The following ATP8B4 variants were observed in gnomAD, a reference collection of about 807,000 sequenced individuals.
ATP8B4 encodes the protein probable phospholipid-transporting ATPase IM.
Under a neutral mutation model 145.6 loss-of-function variants are expected in ATP8B4, and 133 were observed. The observed-to-expected ratio is 0.91, with a 90% CI of 0.79 to 1.05. The LOEUF is 1.05. Among genes scored for constraint, ATP8B4 ranks in the 50% least tolerant of loss-of-function variants. The pLI is 0.00. For synonymous variants in ATP8B4, 507 were observed against 492.9 expected, an observed-to-expected ratio of 1.03 and a Z score of -0.38; for missense variants, 1,458 against 1,425.2, an observed-to-expected ratio of 1.02 and a Z score of -0.37.
intron 1 of ATP8B4, among the ~76,000 whole-genome samples, chr15:50,168,231 C>T (rs2044621853): frequency 6.6e-6 from 1 of 152,092 alleles, no homozygotes; most frequent in South Asian, 2.1e-4. Flanking sequence ...TGCGAAGGCT[C>T]GCATTGCGAA....
At position 49,931,158 on chromosome 15, in the gene ATP8B4, A is replaced by G. The variant is rs1256145275; in HGVS notation, c.1603T>C (p.Leu535=). Residue 535 remains leucine (L), a synonymous_variant, in exon 16 of 28, where the codon TTG becomes CTG. Transcript: ENST00000284509. ...TLVTYQLLAF[L]DFNNTRKRMS... ...CTTTTTCTGGTGTTGTTGAAATCCA[A>G]AAAGGCAAGTAATTGATAAGTAACT... is the stretch of plus-strand genomic sequence containing the variant. The G allele has an allele frequency of 1.2e-6, 2 of 1,612,158 alleles. No individual in the cohort carries two copies. Among genetic ancestry groups the G allele is most frequent in the Non-Finnish European group, 8.5e-7 (1 of 1,178,888 alleles).
intron 1 of ATP8B4, among the ~76,000 whole-genome samples, chr15:50,149,081 C>T (rs1273663777): frequency 1.3e-5 from 2 of 152,236 alleles, no homozygotes; most frequent in Non-Finnish European, 2.9e-5. Context: ...ATCAATACTA[C>T]AGAGATGATA....
intron 6 of ATP8B4, among the ~76,000 whole-genome samples, chr15:50,011,251 G>A (rs1030751577): frequency 2.0e-5 from 3 of 152,142 alleles, no homozygotes; most frequent in Non-Finnish European, 2.9e-5. Context: ...TTTCCAACTC[G>A]ATTGATAAAT....
At position 50,172,911 on chromosome 15, in the gene ATP8B4, C is replaced by T. The variant is rs1462014279; in HGVS notation, c.-43+9350G>A. Among the ~76,000 whole-genome samples the T allele has an allele frequency of 1.3e-5, 2 of 151,138 alleles. 1 individual carries two copies. Among genetic ancestry groups the T allele is most frequent in the South Asian group, 4.2e-4 (2 of 4,770 alleles). On this transcript the variant is annotated intron_variant, in intron 1 of 3. Coordinates refer to the ATP8B4 transcript ENST00000558829. The stretch of plus-strand genomic sequence containing the variant: ...GTGAGGAGCCCCTCCGTCCGGCAGC[C>T]GCCCCGTCCGGGAAGTGAGGAGCGT...
Position 49,897,364 on chromosome 15 carries a change from A to T in ATP8B4, c.2625T>A (p.Tyr875Ter). 1 of 1,613,986 alleles carries T rather than the reference A, an allele frequency of 6.2e-7. No individual in the cohort carries two copies. Among genetic ancestry groups the T allele is most frequent in the South Asian group, 1.1e-5 (1 of 91,042 alleles). ...SYFRMCKFLC[Y>*]FFYKNFAFTL... Reference sequence around the variant, plus strand: ...TAAATGCAAAATTCTTATAGAAGAAATAGCATAAGAATTTGCACATTCGGA... The same window carrying T: ...TAAATGCAAAATTCTTATAGAAGAATTAGCATAAGAATTTGCACATTCGGA... The change falls in exon 23 of 28, where the codon TAT becomes TAA. Residue 875 changes from tyrosine to a stop codon, truncating the protein, a stop_gained. Coordinates refer to ENST00000284509, the MANE Select transcript of ATP8B4 (RefSeq NM_024837.4). LOFTEE classifies it high-confidence loss of function.
At chr15:49,961,300 T>C (rs1243133034) in intron 14 of ATP8B4, among the ~76,000 whole-genome samples, 1 of 152,144 alleles carries the variant, frequency 6.6e-6, no homozygotes, top group Non-Finnish European at 1.5e-5. Flanking sequence ...TGATAAAACA[T>C]TGTGTTGGTG....
intron 3 of ATP8B4, among the ~76,000 whole-genome samples, chr15:50,064,049 A>G (rs78638656): frequency 0.054 from 8,166 of 152,216 alleles, 241 homozygotes; most frequent in Non-Finnish European, 0.064. Context: ...CAGACAGGAC[A>G]TGGAGTTGGT....
chr15:50,000,100 T>C (rs997785815), intron 8 of ATP8B4, among the ~76,000 whole-genome samples: 3 of 152,182 alleles, frequency 2.0e-5, no homozygotes, highest in Non-Finnish European at 2.9e-5. Flanking sequence ...CATTGACTTA[T>C]TGAAGGATAT....
At chr15:49,993,360 C>A (rs1252229705) in intron 9 of ATP8B4, among the ~76,000 whole-genome samples, 1 of 146,816 alleles carries the variant, frequency 6.8e-6, no homozygotes, top group Non-Finnish European at 1.5e-5. Context: ...AGTTAGAAAA[C>A]CATGTGCTGA....
chr15:50,133,586 C>T (rs1018668607), intron 1 of ATP8B4, among the ~76,000 whole-genome samples: 1 of 151,742 alleles, frequency 6.6e-6, no homozygotes, highest in African/African-American at 2.4e-5. Flanking sequence ...GAGTGAGACC[C>T]TGTATCAAAA....
At chr15:49,932,591 G>C (rs1372837551) in intron 15 of ATP8B4, among the ~76,000 whole-genome samples, 1 of 152,022 alleles carries the variant, frequency 6.6e-6, no homozygotes, top group African/African-American at 2.4e-5. Context: ...TCATGAACTT[G>C]CAAGAAAGTA....
At chr15:49,977,315 T>C (rs1468212099) in intron 12 of ATP8B4, among the ~76,000 whole-genome samples, 1 of 152,072 alleles carries the variant, frequency 6.6e-6, no homozygotes, top group Non-Finnish European at 1.5e-5. Flanking sequence ...GGAATGCTTT[T>C]TCCCTCGAGT....
intron 2 of ATP8B4, among the ~76,000 whole-genome samples, chr15:50,092,522 G>A (rs990280931): frequency 9.9e-5 from 15 of 151,692 alleles, no homozygotes; most frequent in South Asian, 6.2e-4. Context: ...ACTAAAGAAC[G>A]GAAATATATG....
chr15:50,047,909 T>C (rs1600066515), intron 3 of ATP8B4, among the ~76,000 whole-genome samples: 1 of 152,330 alleles, frequency 6.6e-6, no homozygotes, highest in South Asian at 2.1e-4. Flanking sequence ...TCTCCTGGGA[T>C]GGGAAACTGA....
chr15:50,052,880 A>T (rs2052298865), intron 3 of ATP8B4, among the ~76,000 whole-genome samples: 1 of 152,218 alleles, frequency 6.6e-6, no homozygotes, highest in African/African-American at 2.4e-5. Context: ...AAAGACTAAT[A>T]AAGACTAAAA....
intron 1 of ATP8B4, among the ~76,000 whole-genome samples, chr15:50,179,882 C>T (rs559455465): frequency 6.6e-6 from 1 of 152,250 alleles, no homozygotes; most frequent in East Asian, 1.9e-4. Context: ...TATAGCAGCC[C>T]AAACAGACTA....
Position 49,934,176 on chromosome 15 carries a change from C to T in ATP8B4, c.1294G>A (p.Glu432Lys), listed in dbSNP as rs1339432513. 1 of 1,607,248 alleles carries T rather than the reference C, an allele frequency of 6.2e-7. No homozygotes were observed. Among genetic ancestry groups the T allele is most frequent in the Non-Finnish European group, 8.5e-7 (1 of 1,177,536 alleles). Residue 432 changes from glutamate (E) to lysine (K), a missense_variant, in exon 15 of 28, where the codon GAG (glutamate) becomes AAG (lysine). Physicochemically the swap from Glu to Lys is moderately conservative, Grantham distance 56 (BLOSUM62 1). Transcript: ENST00000284509. The part of the protein sequence containing the change: ...DQKTEITQEK[E>K]PVDFSVKSQA... The stretch of plus-strand genomic sequence containing the variant: ...GATTTGACTGAGAAATCCACAGGCT[C>T]TTTTTCCTGTAGGAGAACAACAACA...
At chr15:49,916,080 A>G (rs951059422) in intron 20 of ATP8B4, among the ~76,000 whole-genome samples, 1 of 151,994 alleles carries the variant, frequency 6.6e-6, no homozygotes, top group Non-Finnish European at 1.5e-5. Flanking sequence ...CTGCTTGGCC[A>G]GTGTCTAAGT....
At chr15:49,929,531 G>GA (rs1446976305) in intron 16 of ATP8B4, among the ~76,000 whole-genome samples, 3 of 152,032 alleles carry the variant, frequency 2.0e-5, no homozygotes, top group African/African-American at 7.2e-5. Context: ...TTGGACTCTA[G>GA]AAAGAGATCG....
Sources: gnomAD v4.1 joint callset for allele counts (sites outside exome capture counted in the v4.1 genomes callset) on GRCh38, gnomAD v4.1.1 for gene constraint, MANE v1.5 for transcripts, NCBI Gene and HGNC (gene_info 2026-07-23, HGNC 2026-07-21) for gene names.